The following PIAS2 variants were observed in gnomAD, a reference collection of about 807,000 sequenced individuals.
PIAS2 encodes the protein protein inhibitor of activated STAT 2, also known as E3 SUMO-protein ligase PIAS2.
A neutral mutation model predicts 69.7 loss-of-function variants in PIAS2; 19 were observed. That is an observed-to-expected ratio of 0.27 (90% CI 0.19 to 0.40). PIAS2 has a LOEUF of 0.40. Ranked by LOEUF, PIAS2 falls within the 10% of genes least tolerant of loss-of-function variation. The probability of loss-of-function intolerance (pLI) is 1.00; values close to 1 mark genes in which losing one functional copy is unlikely to be tolerated. For synonymous variants in PIAS2, 261 were observed against 263.2 expected, an observed-to-expected ratio of 0.99 and a Z score of 0.08; for missense variants, 624 against 757.0, an observed-to-expected ratio of 0.82 and a Z score of 2.06.
rs754792172 is a variant in PIAS2 at position 46,890,937 on chromosome 18, C to T, written c.142G>A (p.Gly48Ser). Residue 48 changes from glycine to serine, a missense_variant, in exon 2 of 14, where the codon GGC becomes AGC. By Grantham distance (56) the Gly-to-Ser change is moderately conservative (BLOSUM62 0). Around this residue, in one of 3 missense-constraint regions of PIAS2, gnomAD observed 339 missense variants for 408.8 expected, o/e 0.83. Coordinates refer to ENST00000585916, the MANE Select transcript of PIAS2 (RefSeq NM_004671.5). Reference sequence around the variant, plus strand: ...TTAATCTGAACCGCAGGGCTGCAGCCGCTCTTCAATAAATGCAGCGCCCTC... The same window carrying T: ...TTAATCTGAACCGCAGGGCTGCAGCTGCTCTTCAATAAATGCAGCGCCCTC... ...LMRALHLLKS[G>S]CSPAVQIKIR... The T allele has an allele frequency of 9.9e-6, 16 of 1,613,934 alleles. No homozygotes were observed. Among genetic ancestry groups the T allele is most frequent in the East Asian group, 6.7e-5 (3 of 44,894 alleles).
chr18:46,857,437 C>T (rs1352096517), intron 3 of PIAS2, among the ~76,000 whole-genome samples: 1 of 152,144 alleles, frequency 6.6e-6, no homozygotes. Flanking sequence ...GTCATTATCA[C>T]AATTAGTCCA....
At chr18:46,884,437 C>A (rs534474096) in intron 2 of PIAS2, among the ~76,000 whole-genome samples, 2 of 151,920 alleles carry the variant, frequency 1.3e-5, no homozygotes, top group Non-Finnish European at 2.9e-5. Flanking sequence ...CTCAGCCTCC[C>A]GAGTAGCTGG....
intron 1 of PIAS2, chr18:46,891,364 C>T (rs1224608660): frequency 2.8e-6 from 1 of 353,568 alleles, no homozygotes; most frequent in Non-Finnish European, 5.2e-6. Flanking sequence ...TGCTTTATGA[C>T]TATAAAATCT....
At chr18:46,852,382 T>C (rs1313613062) in intron 5 of PIAS2, among the ~76,000 whole-genome samples, 1 of 152,196 alleles carries the variant, frequency 6.6e-6, no homozygotes, top group Admixed American at 6.5e-5. Flanking sequence ...GCCTTCTATT[T>C]TTGAAAATAT....
At chr18:46,905,614 T>TA (rs1450727007) in intron 1 of PIAS2, 3 of 151,832 alleles carry the variant, frequency 2.0e-5, no homozygotes, top group East Asian at 3.8e-4. Flanking sequence ...GAAGGCATTT[T>TA]AAAAAAAGAC....
At chr18:46,844,018 G>A (rs1321793320) in intron 8 of PIAS2, 36 bp downstream of exon 8, 9 of 1,234,468 alleles carry the variant, frequency 7.3e-6, no homozygotes, top group African/African-American at 6.3e-5. Flanking sequence ...TTTATAAAAA[G>A]TCAAATTCCC....
At chr18:46,888,197 A>G (rs1383210082) in intron 2 of PIAS2, among the ~76,000 whole-genome samples, 4 of 152,184 alleles carry the variant, frequency 2.6e-5, no homozygotes, top group African/African-American at 9.6e-5. Context: ...AAAGATATTA[A>G]AGAACACATA....
rs1227347056 is a variant in PIAS2, at chr18:46,807,381, A to T, written c.*5052T>A. The T allele has an allele frequency of 0.037, 735 of 19,660 alleles. 23 individuals are homozygous for T. Among genetic ancestry groups the T allele is most frequent in the East Asian group, 0.08 (67 of 836 alleles). 1.2% of individuals were successfully genotyped at this position (19,660 alleles called of 1,614,324 possible). On this transcript the variant is annotated 3_prime_UTR_variant, in exon 14 of 14. Coordinates refer to ENST00000585916, the MANE Select transcript of PIAS2 (RefSeq NM_004671.5). ...TATATATATATATATATATATATAT[A>T]TATTTTTTTTTTTTTTTTTTTTTTT...
intron 2 of PIAS2, 83 bp downstream of exon 2, chr18:46,890,497 C>G: frequency 1.1e-6 from 1 of 870,028 alleles, no homozygotes. Flanking sequence ...ACTATATTAA[C>G]AGCACATCAT....
intron 5 of PIAS2, among the ~76,000 whole-genome samples, chr18:46,848,868 A>AC (rs923204893): frequency 1.1e-4 from 17 of 151,422 alleles, no homozygotes; most frequent in African/African-American, 4.1e-4. Context: ...GAAAAAAAAA[A>AC]ACAACTCCTA....
chr18:46,836,049 T>C (rs1008171708), intron 9 of PIAS2, among the ~76,000 whole-genome samples: 1 of 152,190 alleles, frequency 6.6e-6, no homozygotes, highest in Non-Finnish European at 1.5e-5. Context: ...CAAGAAATTC[T>C]AGGTAAGCAA....
At chr18:46,906,307 C>T (rs1879411906) in intron 1 of PIAS2, 1 of 150,704 alleles carries the variant, frequency 6.6e-6, no homozygotes, top group Non-Finnish European at 1.5e-5. Context: ...CAACATTGTA[C>T]TGGAGATCCT....
Position 46,899,667 on chromosome 18 carries a change from A to G in PIAS2, c.25-8613T>C, listed in dbSNP as rs148848161. ...ATTTTAGTAAAGATGAGATTTCATTATGTTTTGCAGGCTGGTCTCAAACTC... is the reference window on the plus strand; with the variant it reads ...ATTTTAGTAAAGATGAGATTTCATTGTGTTTTGCAGGCTGGTCTCAAACTC... On this transcript the variant is annotated intron_variant, in intron 1 of 13. Coordinates refer to ENST00000585916, the MANE Select transcript of PIAS2 (RefSeq NM_004671.5). Among the ~76,000 whole-genome samples the G allele has an allele frequency of 2.9e-3, 442 of 152,256 alleles. 2 individuals carry two copies. The Middle Eastern group carries it at 0.034, about 12-fold the overall frequency.
intron 12 of PIAS2, 92 bp from the exon 13 acceptor site, chr18:46,815,441 T>A: frequency 1.3e-6 from 2 of 1,592,984 alleles, no homozygotes; most frequent in Non-Finnish European, 1.7e-6. Context: ...TCACAAAACA[T>A]TTGTGGTAAG....
intron 2 of PIAS2, among the ~76,000 whole-genome samples, chr18:46,871,823 G>A (rs2050400750): frequency 6.6e-6 from 1 of 152,124 alleles, no homozygotes; most frequent in Non-Finnish European, 1.5e-5. Flanking sequence ...CCTGAGGCAG[G>A]AACTAACCTA....
intron 11 of PIAS2, among the ~76,000 whole-genome samples, chr18:46,825,022 A>T (rs1349167638): frequency 6.6e-6 from 1 of 151,216 alleles, no homozygotes; most frequent in Non-Finnish European, 1.5e-5. Flanking sequence ...AAAAAAAAAA[A>T]TAGTTGCTCA....
At position 46,811,553 on chromosome 18, in the gene PIAS2, A is replaced by G. The variant is rs1054129571; in HGVS notation, c.*880T>C. On this transcript the variant is annotated 3_prime_UTR_variant, in exon 14 of 14. Coordinates refer to ENST00000585916, the MANE Select transcript of PIAS2 (RefSeq NM_004671.5). ...TTGATAGTGTGAACAAATTTCTAAC[A>G]AACATTCCAGTCACACCGTACCCCA... 10 of 152,350 alleles carry G rather than the reference A, an allele frequency of 6.6e-5. No homozygotes were observed. Among genetic ancestry groups the G allele is most frequent in the African/African-American group, 2.4e-4 (10 of 41,582 alleles). The allele number at this position is 152,350 out of a possible 1,614,324, so 9.4% of individuals were successfully genotyped here.
intron 12 of PIAS2, chr18:46,816,431 C>G (rs2041543169): frequency 1.0e-6 from 1 of 984,984 alleles, no homozygotes; most frequent in African/African-American, 1.8e-5. Context: ...AGAAATCATT[C>G]CAACGATTTC....
chr18:46,810,978 T>C lies in PIAS2; in HGVS notation c.*1455A>G, dbSNP rs2040961944. On this transcript the variant is annotated 3_prime_UTR_variant, in exon 14 of 14. Coordinates refer to ENST00000585916, the MANE Select transcript of PIAS2 (RefSeq NM_004671.5). ...AATCCTTGTGAACTCAAAAATGATT[T>C]AGGAAGTCAAATGAAGCAAACTAAA... The C allele has an allele frequency of 6.6e-6, 1 of 152,160 alleles. No homozygotes were observed. The highest frequency in any genetic ancestry group is 1.5e-5 in the Non-Finnish European group (1 of 68,026). 9.4% of individuals were successfully genotyped at this position (152,160 alleles called of 1,614,324 possible). A position where few individuals can be genotyped will look rare whatever the true frequency, so the allele number is the denominator to read the frequency against.
Sources: gnomAD v4.1 joint callset for allele counts (sites outside exome capture counted in the v4.1 genomes callset) on GRCh38, gnomAD v4.1.1 for gene constraint, gnomAD v4.1.1 regional missense constraint, MANE v1.5 for transcripts, NCBI Gene and HGNC (gene_info 2026-07-23, HGNC 2026-07-21) for gene names.